Variants in MYBPH observed in about 807,000 individuals in gnomAD.
The protein encoded by MYBPH is myosin binding protein H.
MYBPH carries 49 observed loss-of-function variants against 53.6 expected under a neutral mutation model. The observed-to-expected ratio is 0.91, with a 90% CI of 0.73 to 1.16. MYBPH has a LOEUF of 1.16. MYBPH is among the 50% of genes most tolerant of loss of function. The probability of loss-of-function intolerance (pLI) is 0.00; values close to 1 mark genes in which losing one functional copy is unlikely to be tolerated. For synonymous variants in MYBPH, 239 were observed against 249.6 expected, an observed-to-expected ratio of 0.96 and a Z score of 0.40; for missense variants, 558 against 624.1, an observed-to-expected ratio of 0.89 and a Z score of 1.13.
chr1:203,167,955 A>C lies in MYBPH; in HGVS notation c.*169T>G, dbSNP rs1048364410. ...TACCAGGCCCATTCCTGAGTTCTGG[A>C]CACCAGCCTCTGGGGAAGGGAGGCC... On this transcript the variant is annotated 3_prime_UTR_variant, in exon 11 of 11. Transcript: ENST00000255416. The C allele has an allele frequency of 1.3e-5, 2 of 155,552 alleles. No homozygotes were observed. Among genetic ancestry groups the C allele is most frequent in the East Asian group, 3.8e-4 (2 of 5,198 alleles). 9.6% of individuals were successfully genotyped at this position (155,552 alleles called of 1,614,324 possible).
chr1:203,176,953 A>G (rs1445893393), upstream of MYBPH, among the ~76,000 whole-genome samples: 1 of 152,198 alleles, frequency 6.6e-6, no homozygotes, highest in Non-Finnish European at 1.5e-5. Context: ...GTGGGGGAAA[A>G]CAGCTGTCCC....
chr1:203,178,839 A>G (rs1390900001), upstream of MYBPH: 2 of 152,224 alleles, frequency 1.3e-5, no homozygotes, highest in Non-Finnish European at 2.9e-5. Context: ...AGGGGTCCCA[A>G]GGCTCAGAGG....
At chr1:203,172,494 G>A (rs867117732) in intron 3 of MYBPH, among the ~76,000 whole-genome samples, 7 of 152,164 alleles carry the variant, frequency 4.6e-5, no homozygotes, top group Admixed American at 4.6e-4. Context: ...CACAAGCCCA[G>A]GACTTTCAGA....
chr1:203,175,459 C>T lies in MYBPH; in HGVS notation c.208G>A (p.Val70Ile). The T allele has an allele frequency of 6.3e-7, 1 of 1,594,080 alleles. No homozygotes were observed. Reference sequence around the variant, plus strand: ...GTCAGCAGCAGTGGGGCACTGGGGACATCTGGGGAGATGAAGAGGTTCATG... The same window carrying T: ...GTCAGCAGCAGTGGGGCACTGGGGATATCTGGGGAGATGAAGAGGTTCATG... ...ATKPAPPSED[V>I]PSAPLLLTLD... The change falls in exon 2 of 11, where the codon GTC becomes ATC. Residue 70 changes from valine to isoleucine, a missense_variant and splice_region_variant. Val to Ile is a conservative substitution (Grantham distance 29, BLOSUM62 3). Transcript: ENST00000255416.
Position 203,171,599 on chromosome 1 carries a change from G to A in MYBPH, c.598-21C>T. The A allele has an allele frequency of 6.2e-7, 1 of 1,602,980 alleles. No homozygotes were observed. The highest frequency in any genetic ancestry group is 8.5e-7 in the Non-Finnish European group (1 of 1,175,976). On this transcript the variant is annotated intron_variant, in intron 4 of 10. Transcript: ENST00000255416. The surrounding 1 kb of genome is among the most constrained non-coding windows in gnomAD (Gnocchi z 4.2). ...TTCCCCTGGCAGGGAGGAGCCCCCA[G>A]GGTGAGTGTAGGGAGGTGCCAGAGT... is the stretch of plus-strand genomic sequence containing the variant.
chr1:203,172,079 G>T, intron 3 of MYBPH, 39 bp from the exon 4 acceptor site: 2 of 1,232,506 alleles, frequency 1.6e-6, no homozygotes, highest in Non-Finnish European at 1.0e-6. Flanking sequence ...CAGTGCAGTG[G>T]GGTGGCTGAT....
intron 7 of MYBPH, among the ~76,000 whole-genome samples, chr1:203,170,011 G>A (rs1418376256): frequency 6.6e-6 from 1 of 152,228 alleles, no homozygotes; most frequent in Admixed American, 6.5e-5. Flanking sequence ...CTGCTGTGAT[G>A]CTGGCAGCCA....
chr1:203,168,656 A>T lies in MYBPH; in HGVS notation c.*3T>A, dbSNP rs1571819128. The T allele has an allele frequency of 1.3e-6, 2 of 1,556,230 alleles. No homozygotes were observed. The highest frequency in any genetic ancestry group is 1.7e-6 in the Non-Finnish European group (2 of 1,149,360). ...CTCCTCATCACAGCCTCCTCCCGTG[A>T]CTTCAGTGTGCGGCTGAGGCTGGAA... On this transcript the variant is annotated 3_prime_UTR_variant, in exon 10 of 11. Coordinates refer to ENST00000255416, the MANE Select transcript of MYBPH (RefSeq NM_004997.3).
intron 3 of MYBPH, among the ~76,000 whole-genome samples, chr1:203,173,174 G>T (rs1258336017): frequency 6.6e-6 from 1 of 152,204 alleles, no homozygotes; most frequent in Non-Finnish European, 1.5e-5. Context: ...TGCTGAGTCT[G>T]GCTGGGTCCA....
intron 3 of MYBPH, among the ~76,000 whole-genome samples, chr1:203,173,370 G>A (rs530619976): frequency 3.9e-5 from 6 of 152,216 alleles, no homozygotes; most frequent in Non-Finnish European, 8.8e-5. Context: ...GGGTTGGGAG[G>A]CTTGGGTTTT....
chr1:203,172,930 G>A (rs1163159733), intron 3 of MYBPH, among the ~76,000 whole-genome samples: 3 of 152,212 alleles, frequency 2.0e-5, no homozygotes, highest in African/African-American at 7.2e-5. Context: ...GTGGGCACTT[G>A]GCTCTGGGAG....
chr1:203,171,046 C>A lies in MYBPH; in HGVS notation c.933+15G>T, dbSNP rs377409862. 2.6e-6 allele frequency: 4 copies of A among 1,566,350 alleles called. No homozygotes were observed. The highest frequency in any genetic ancestry group is 2.6e-6 in the Non-Finnish European group (3 of 1,158,484). ...ACTTCGTACCCCGACCCCACTTTGC[C>A]TCAGCCAGCCTCACCCCTGTCTTTT... On this transcript the variant is annotated intron_variant, in intron 6 of 10. Transcript: ENST00000255416. The surrounding 1 kb of genome is among the most constrained non-coding windows in gnomAD (Gnocchi z 4.2).
chr1:203,169,101 C>T lies in MYBPH; in HGVS notation c.1231-9G>A, dbSNP rs530901367. 1.2e-6 allele frequency: 2 copies of T among 1,613,632 alleles called. No homozygotes were observed. Among genetic ancestry groups the T allele is most frequent in the Admixed American group, 3.3e-5 (2 of 59,992 alleles). The stretch of plus-strand genomic sequence containing the variant: ...ATCCAGATGATCTTGGGCTGGGAGA[C>T]ATGGTCAGAAGAGAGCTGGGGAGGT... On this transcript the variant is annotated splice_polypyrimidine_tract_variant and intron_variant, in intron 8 of 10. Coordinates refer to ENST00000255416, the MANE Select transcript of MYBPH (RefSeq NM_004997.3).
At chr1:203,172,715 T>A (rs1486217026) in intron 3 of MYBPH, among the ~76,000 whole-genome samples, 1 of 152,122 alleles carries the variant, frequency 6.6e-6, no homozygotes, top group Non-Finnish European at 1.5e-5. Flanking sequence ...ATTCTGACCC[T>A]CATCTGGTCA....
rs532687260 is a variant in MYBPH, at chr1:203,168,655, G to A, written c.*4C>T. On this transcript the variant is annotated 3_prime_UTR_variant, in exon 10 of 11. Transcript: ENST00000255416. ...GCTCCTCATCACAGCCTCCTCCCGT[G>A]ACTTCAGTGTGCGGCTGAGGCTGGA... The A allele has an allele frequency of 7.4e-7, 1 of 1,348,334 alleles. No individual in the cohort carries two copies. The highest frequency in any genetic ancestry group is 2.5e-5 in the East Asian group (1 of 39,374). The allele number at this position is 1,348,334 out of a possible 1,614,324, so 83.5% of individuals were successfully genotyped here. A position where few individuals can be genotyped will look rare whatever the true frequency, so the allele number is the denominator to read the frequency against.
intron 7 of MYBPH, among the ~76,000 whole-genome samples, chr1:203,169,996 G>A (rs534902291): frequency 3.3e-5 from 5 of 152,162 alleles, no homozygotes; most frequent in African/African-American, 9.7e-5. Context: ...CCTGAGACTC[G>A]GCGGCTGCTG....
chr1:203,177,426 C>T (rs3753469), upstream of MYBPH, among the ~76,000 whole-genome samples: 66 of 152,332 alleles, frequency 4.3e-4, no homozygotes, highest in East Asian at 0.012. Flanking sequence ...TATTCAGGGC[C>T]CTCAGCAGCA....
Position 203,175,410 on chromosome 1 carries a change from G to A in MYBPH, c.257C>T (p.Ser86Phe), listed in dbSNP as rs1404422068. ...TGGGGGCTCCCAGCTCACAGTCACA[G>A]AGCTGCTGCTCACATCATCCAGGGT... The part of the protein sequence containing the change: ...LLTLDDVSSS[S>F]VTVSWEPPER... Residue 86 changes from serine to phenylalanine, a missense_variant, in exon 2 of 11, where the codon TCT (serine) becomes TTT (phenylalanine). Physicochemically the swap from Ser to Phe is radical, Grantham distance 155 (BLOSUM62 -2). Coordinates refer to ENST00000255416, the MANE Select transcript of MYBPH (RefSeq NM_004997.3). 6.4e-7 allele frequency: 1 copy of A among 1,550,918 alleles called. No individual in the cohort carries two copies. The highest frequency in any genetic ancestry group is 1.4e-5 in the African/African-American group (1 of 73,130).
chr1:203,174,315 G>A (rs1182899207), intron 3 of MYBPH, 115 bp downstream of exon 3: 2 of 1,467,388 alleles, frequency 1.4e-6, no homozygotes, highest in Non-Finnish European at 1.8e-6. Flanking sequence ...TTGTGCATGT[G>A]AGCGTGGGAC....
Sources: gnomAD v4.1 joint callset for allele counts (sites outside exome capture counted in the v4.1 genomes callset) on GRCh38, gnomAD v4.1.1 for gene constraint, Gnocchi (gnomAD v3.1) non-coding constraint, MANE v1.5 for transcripts, NCBI Gene and HGNC (gene_info 2026-07-23, HGNC 2026-07-21) for gene names.